The following HS2ST1 variants were observed in gnomAD, a reference collection of about 807,000 sequenced individuals.
HS2ST1 encodes the protein 2-O-sulfotransferase.
In HS2ST1, 18 loss-of-function variants were observed where a neutral mutation model predicts 42.9. That is an observed-to-expected ratio of 0.42 (90% CI 0.29 to 0.62). The LOEUF is 0.62. Among genes scored for constraint, HS2ST1 ranks in the 20% least tolerant of loss-of-function variants. The pLI is 0.21. For missense variants in HS2ST1, 334 were observed against 433.8 expected, an observed-to-expected ratio of 0.77 and a Z score of 2.04; for synonymous variants, 146 against 152.9, an observed-to-expected ratio of 0.95 and a Z score of 0.33.
At chr1:86,945,106 G>A (rs1025043298) in intron 1 of HS2ST1, among the ~76,000 whole-genome samples, 1 of 152,150 alleles carries the variant, frequency 6.6e-6, no homozygotes, top group Non-Finnish European at 1.5e-5. Context: ...GACTCTGAAA[G>A]TAGCAGATAT....
At chr1:86,964,191 C>T (rs570671915) in intron 1 of HS2ST1, among the ~76,000 whole-genome samples, 6 of 151,070 alleles carry the variant, frequency 4.0e-5, no homozygotes, top group Non-Finnish European at 5.9e-5. Context: ...ACTTCCCAGA[C>T]GATGGGCGGC....
At chr1:87,007,980 A>G (rs1649490421) in intron 1 of HS2ST1, among the ~76,000 whole-genome samples, 1 of 152,142 alleles carries the variant, frequency 6.6e-6, no homozygotes, top group African/African-American at 2.4e-5. Context: ...AAAAAATTTT[A>G]TTTGTAATTT....
chr1:87,023,869 A>G (rs755553292), intron 1 of HS2ST1, among the ~76,000 whole-genome samples: 11 of 152,024 alleles, frequency 7.2e-5, no homozygotes, highest in Non-Finnish European at 1.2e-4. Flanking sequence ...TGATTTAAAT[A>G]TATCTATTGA....
Position 87,107,359 on chromosome 1 carries a change from T to G in HS2ST1, c.*2663T>G, listed in dbSNP as rs923887210. ...ATAGGGGCATTTATTTTATCATATTTTAGGGTGGGTTAGGAGTATCCTTTC... is the reference window on the plus strand; with the variant it reads ...ATAGGGGCATTTATTTTATCATATTGTAGGGTGGGTTAGGAGTATCCTTTC... On this transcript the variant is annotated 3_prime_UTR_variant, in exon 7 of 7. Coordinates refer to ENST00000370550, the MANE Select transcript of HS2ST1 (RefSeq NM_012262.4). 1.3e-5 allele frequency: 2 copies of G among 152,032 alleles called. No individual in the cohort carries two copies. The highest frequency in any genetic ancestry group is 4.8e-5 in the African/African-American group (2 of 41,442). 9.4% of individuals were successfully genotyped at this position (152,032 alleles called of 1,614,324 possible).
intron 1 of HS2ST1, among the ~76,000 whole-genome samples, chr1:86,920,376 T>A (rs1195269268): frequency 6.6e-6 from 1 of 152,224 alleles, no homozygotes; most frequent in African/African-American, 2.4e-5. Flanking sequence ...CAGCAATACC[T>A]GTAAGATGTT....
intron 1 of HS2ST1, among the ~76,000 whole-genome samples, chr1:86,949,159 A>T (rs886117352): frequency 6.6e-6 from 1 of 152,096 alleles, no homozygotes; most frequent in Non-Finnish European, 1.5e-5. Flanking sequence ...CTCAGGCCGG[A>T]GTGCAATGCT....
At chr1:87,074,397 A>C (rs1318868507) in intron 2 of HS2ST1, among the ~76,000 whole-genome samples, 1 of 152,196 alleles carries the variant, frequency 6.6e-6, no homozygotes, top group Admixed American at 6.5e-5. Flanking sequence ...ACTGCTTTTC[A>C]AAATATGCTT....
In HS2ST1 at chr1:87,105,769, T is replaced by C. The variant is rs1461327900; in HGVS notation, c.*1073T>C. ...ATCAGACCTACTGTTCTTGTATTTC[T>C]CATTTAACTTTACTGTTAAGACATC... is the stretch of plus-strand genomic sequence containing the variant. On this transcript the variant is annotated 3_prime_UTR_variant, in exon 7 of 7. Transcript: ENST00000370550. 6.6e-6 allele frequency: 1 copy of C among 152,538 alleles called. No individual in the cohort carries two copies. The highest frequency in any genetic ancestry group is 2.4e-5 in the African/African-American group (1 of 41,452). The allele number at this position is 152,538 out of a possible 1,614,324, so 9.4% of individuals were successfully genotyped here.
chr1:86,966,597 C>T (rs1489130637), intron 1 of HS2ST1, among the ~76,000 whole-genome samples: 2 of 152,098 alleles, frequency 1.3e-5, no homozygotes, highest in Non-Finnish European at 2.9e-5. Context: ...TTAGTAGATA[C>T]AATTTGTAAT....
intron 1 of HS2ST1, among the ~76,000 whole-genome samples, chr1:86,994,564 ATAAT>A (rs1029714411): frequency 4.6e-5 from 7 of 152,100 alleles, no homozygotes; most frequent in African/African-American, 1.4e-4. Flanking sequence ...TTTTTTGAGG[ATAAT>A]TAAACAATTT....
intron 1 of HS2ST1, among the ~76,000 whole-genome samples, chr1:87,027,985 C>T (rs552831164): frequency 2.0e-4 from 31 of 152,180 alleles, no homozygotes; most frequent in Non-Finnish European, 3.8e-4. Flanking sequence ...CCACCACGCC[C>T]GGCTGGGACA....
intron 1 of HS2ST1, among the ~76,000 whole-genome samples, chr1:87,044,684 T>A (rs913908052): frequency 6.6e-6 from 1 of 152,352 alleles, no homozygotes; most frequent in East Asian, 1.9e-4. Flanking sequence ...TGTGTTGTTT[T>A]ATCTCATGAC....
chr1:86,946,175 C>T (rs1647330375), intron 1 of HS2ST1, among the ~76,000 whole-genome samples: 2 of 152,024 alleles, frequency 1.3e-5, no homozygotes, highest in African/African-American at 2.4e-5. Context: ...TAAAAGAATG[C>T]CAGACTGACG....
chr1:87,013,791 A>T (rs184944894), intron 1 of HS2ST1, among the ~76,000 whole-genome samples: 1 of 152,232 alleles, frequency 6.6e-6, no homozygotes, highest in East Asian at 1.9e-4. Context: ...CACCCAAGTC[A>T]CCTCTTGAAC....
At chr1:87,089,788 G>A (rs551495286) in intron 3 of HS2ST1, among the ~76,000 whole-genome samples, 1 of 152,042 alleles carries the variant, frequency 6.6e-6, no homozygotes, top group South Asian at 2.1e-4. Context: ...GCCACCCAAA[G>A]CCATTCCACA....
chr1:87,040,952 TGAAG>T (rs1448573039), intron 1 of HS2ST1, among the ~76,000 whole-genome samples: 1 of 152,100 alleles, frequency 6.6e-6, no homozygotes, highest in Non-Finnish European at 1.5e-5. Context: ...TCAGGGTTAT[TGAAG>T]GAATTTACCC....
At chr1:87,012,728 C>T (rs1039598413) in intron 1 of HS2ST1, among the ~76,000 whole-genome samples, 2 of 152,202 alleles carry the variant, frequency 1.3e-5, no homozygotes, top group Non-Finnish European at 2.9e-5. Context: ...GGCAAGTCCC[C>T]TCTGCCTATG....
At chr1:86,989,158 G>C (rs1285555884) in intron 1 of HS2ST1, among the ~76,000 whole-genome samples, 1 of 152,198 alleles carries the variant, frequency 6.6e-6, no homozygotes, top group African/African-American at 2.4e-5. Context: ...AAGACAGAAA[G>C]GTGTATTTTA....
chr1:87,066,895 A>G (rs1426966483), intron 1 of HS2ST1, among the ~76,000 whole-genome samples: 1 of 152,198 alleles, frequency 6.6e-6, no homozygotes, highest in Admixed American at 6.5e-5. Flanking sequence ...TGCAAAGGAC[A>G]TGGACTCATC....
Sources: allele counts gnomAD v4.1 joint callset (sites outside exome capture counted in the v4.1 genomes callset), GRCh38; gene constraint gnomAD v4.1.1; transcripts MANE v1.5; gene names NCBI Gene and HGNC (gene_info 2026-07-23, HGNC 2026-07-21).